PRELID2: variants seen among roughly 807,000 people sequenced by gnomAD.
PRELID2 encodes the protein PRELI domain-containing protein 2.
Under a neutral mutation model 28.4 loss-of-function variants are expected in PRELID2, and 25 were observed. That is an observed-to-expected ratio of 0.88 (90% CI 0.64 to 1.23). The LOEUF (loss-of-function observed/expected upper bound fraction) is 1.23, where lower values mean the gene tolerates loss of function less well. Among genes scored for constraint, PRELID2 ranks in the 50% most tolerant of loss-of-function variants. The pLI is 0.00. For missense variants in PRELID2, 201 were observed against 214.4 expected (o/e 0.94, Z 0.39); for synonymous variants, 76 against 71.6 (o/e 1.06, Z -0.31).
intron 1 of PRELID2, among the ~76,000 whole-genome samples, chr5:145,641,383 T>C (rs1368925263): frequency 6.6e-6 from 1 of 152,044 alleles, no homozygotes; most frequent in African/African-American, 2.4e-5. Flanking sequence ...CATAAAGAGA[T>C]GGTAAACTTT....
chr5:145,706,644 G>A (rs146811700), intron 1 of PRELID2, among the ~76,000 whole-genome samples: 89 of 152,300 alleles, frequency 5.8e-4, no homozygotes, highest in African/African-American at 2.1e-3. Context: ...TGCTCACTCT[G>A]CCAATAGCTG....
chr5:145,335,477 T>C, the PRELID2 span, among the ~76,000 whole-genome samples: 1 of 152,150 alleles, frequency 6.6e-6, no homozygotes, highest in African/African-American at 2.4e-5. Flanking sequence ...ATTTCTTTAA[T>C]GTCAATTACT....
intron 5 of PRELID2, among the ~76,000 whole-genome samples, chr5:145,781,698 CTA>C (rs376391264): frequency 5.5e-4 from 79 of 143,248 alleles, no homozygotes; most frequent in Middle Eastern, 3.6e-3. Flanking sequence ...ACTATATATA[CTA>C]TATATATATA....
intron 1 of PRELID2, among the ~76,000 whole-genome samples, chr5:145,654,753 A>G (rs555043768): frequency 1.4e-3 from 217 of 152,280 alleles, no homozygotes; most frequent in African/African-American, 5.1e-3. Flanking sequence ...GTATCTCAAA[A>G]TAATAAGAGC....
chr5:145,270,168 A>T, the PRELID2 span, among the ~76,000 whole-genome samples: 4 of 151,714 alleles, frequency 2.6e-5, no homozygotes, highest in Non-Finnish European at 5.9e-5. Flanking sequence ...CCACCACTTT[A>T]AAAAAAACTC....
At chr5:145,247,607 T>C in the PRELID2 span, among the ~76,000 whole-genome samples, 3 of 152,160 alleles carry the variant, frequency 2.0e-5, no homozygotes, top group Non-Finnish European at 4.4e-5. Flanking sequence ...TGCACATACA[T>C]GAGTGGCTAG....
At chr5:145,405,125 G>C in the PRELID2 span, among the ~76,000 whole-genome samples, 5 of 152,074 alleles carry the variant, frequency 3.3e-5, no homozygotes, top group Non-Finnish European at 5.9e-5. Context: ...ATCCTGATTG[G>C]GGAACTCCCA....
At chr5:145,804,109 G>C (rs1040114257) in intron 4 of PRELID2, among the ~76,000 whole-genome samples, 1 of 152,108 alleles carries the variant, frequency 6.6e-6, no homozygotes, top group East Asian at 1.9e-4. Flanking sequence ...GCATCAACAG[G>C]GTATGCCATA....
At chr5:145,380,816 C>A in the PRELID2 span, among the ~76,000 whole-genome samples, 1 of 152,082 alleles carries the variant, frequency 6.6e-6, no homozygotes, top group Non-Finnish European at 1.5e-5. Flanking sequence ...TTTGCCCCCA[C>A]AAATGCCTAA....
chr5:145,284,090 A>T, the PRELID2 span, among the ~76,000 whole-genome samples: 2 of 152,144 alleles, frequency 1.3e-5, no homozygotes, highest in Non-Finnish European at 2.9e-5. Flanking sequence ...TTCCAAGCGT[A>T]TTGCTCATCT....
the PRELID2 span, among the ~76,000 whole-genome samples, chr5:145,330,075 T>A: frequency 6.6e-6 from 1 of 152,180 alleles, no homozygotes; most frequent in African/African-American, 2.4e-5. Context: ...TGGATTATGT[T>A]TTTTGATTTG....
chr5:145,256,857 AACAG>A, the PRELID2 span, among the ~76,000 whole-genome samples: 1 of 152,144 alleles, frequency 6.6e-6, no homozygotes, highest in Admixed American at 6.5e-5. Context: ...CTGAAAGAAA[AACAG>A]ACAAACTAGA....
At chr5:145,365,212 C>T in the PRELID2 span, among the ~76,000 whole-genome samples, 2 of 151,544 alleles carry the variant, frequency 1.3e-5, no homozygotes, top group African/African-American at 4.8e-5. Context: ...AGAGTGGTAA[C>T]CATAATAAAT....
chr5:145,646,809 C>T (rs913436669), intron 1 of PRELID2, among the ~76,000 whole-genome samples: 4 of 152,194 alleles, frequency 2.6e-5, no homozygotes, highest in Non-Finnish European at 5.9e-5. Flanking sequence ...TGCTGGAGGT[C>T]CACTCCAGAC....
chr5:145,833,832 A>G lies in PRELID2; in HGVS notation c.75+1345T>C, dbSNP rs1000009510. On this transcript the variant is annotated intron_variant, in intron 1 of 6. Coordinates refer to ENST00000683046, the MANE Select transcript of PRELID2 (RefSeq NM_205846.3). ...AACCAAGGCAAATTGCAACTGTTGC[A>G]AATTTTGCTTATGAAAACCGAAGGG... 3.4e-4 allele frequency among the ~76,000 whole-genome samples: 52 copies of G among 152,258 alleles called. 1 individual carries two copies. Among genetic ancestry groups the G allele is most frequent in the Non-Finnish European group, 1.5e-5 (1 of 68,050 alleles).
At chr5:145,363,149 G>T in the PRELID2 span, among the ~76,000 whole-genome samples, 2 of 150,954 alleles carry the variant, frequency 1.3e-5, no homozygotes. Flanking sequence ...AAATGATGTG[G>T]CTAGCTCAAC....
In PRELID2 at chr5:145,634,834, A is replaced by G. The variant is rs75081578; in HGVS notation, n.70+130097T>C. On this transcript the variant is annotated intron_variant and non_coding_transcript_variant, in intron 1 of 2. Coordinates refer to the PRELID2 transcript ENST00000510259. Reference sequence around the variant, plus strand: ...AAGAAAGGAATCAGCGAATGAAGTCATTCTTTTAAAATATATTTTTGCTAA... The same window carrying G: ...AAGAAAGGAATCAGCGAATGAAGTCGTTCTTTTAAAATATATTTTTGCTAA... 3.5e-3 allele frequency among the ~76,000 whole-genome samples: 535 copies of G among 152,330 alleles called. 2 individuals are homozygous for G. The highest frequency in any genetic ancestry group is 0.012 in the African/African-American group (518 of 41,584).
At chr5:145,815,615 T>C (rs1397585055) in intron 4 of PRELID2, among the ~76,000 whole-genome samples, 1 of 152,238 alleles carries the variant, frequency 6.6e-6, no homozygotes, top group African/African-American at 2.4e-5. Flanking sequence ...ATTCTGTCAC[T>C]ATGGATTTAC....
the PRELID2 span, among the ~76,000 whole-genome samples, chr5:145,419,111 T>G: frequency 2.0e-5 from 3 of 150,480 alleles, no homozygotes; most frequent in Non-Finnish European, 3.0e-5. Flanking sequence ...TGCCACATTT[T>G]CTTAATCCAG....
Sources: gnomAD v4.1 joint callset for allele counts (sites outside exome capture counted in the v4.1 genomes callset) on GRCh38, gnomAD v4.1.1 for gene constraint, MANE v1.5 for transcripts, NCBI Gene and HGNC (gene_info 2026-07-23, HGNC 2026-07-21) for gene names.